Variants in USP34 observed in about 807,000 individuals in gnomAD.
The protein encoded by USP34 is ubiquitin carboxyl-terminal hydrolase 34.
USP34 carries 70 observed loss-of-function variants against 460.3 expected under a neutral mutation model. The observed-to-expected ratio is 0.15, with a 90% confidence interval of 0.13 to 0.19. The LOEUF (loss-of-function observed/expected upper bound fraction) is 0.19, where lower values mean the gene tolerates loss of function less well. Among genes scored for constraint, USP34 ranks in the 10% least tolerant of loss-of-function variants. The pLI is 1.00. For missense variants in USP34, 3,985 were observed against 4,236.2 expected, an observed-to-expected ratio of 0.94 and a Z score of 1.65; for synonymous variants, 1,647 against 1,405.3, an observed-to-expected ratio of 1.17 and a Z score of -3.85.
chr2:61,246,602 T>C, intron 49 of USP34, 125 bp from the exon 50 acceptor site: 1 of 699,434 alleles, frequency 1.4e-6, no homozygotes, highest in Non-Finnish European at 2.0e-6. Flanking sequence ...TAAAAATAAT[T>C]TTCCCAATGT....
At chr2:61,252,389 TAGCAGCAGCAGC>T (rs3980947) in intron 48 of USP34, among the ~76,000 whole-genome samples, 3 of 151,690 alleles carry the variant, frequency 2.0e-5, no homozygotes, top group South Asian at 2.1e-4. Context: ...ACAGTAACAA[TAGCAGCAGCAGC>T]AGCAGCAGCA....
chr2:61,287,340 C>T (rs1689720625), intron 34 of USP34, among the ~76,000 whole-genome samples: 1 of 152,214 alleles, frequency 6.6e-6, no homozygotes, highest in African/African-American at 2.4e-5. Context: ...ACCTTGATCA[C>T]TCCCTACCTC....
At chr2:61,194,983 G>A (rs1686756247) in intron 75 of USP34, among the ~76,000 whole-genome samples, 1 of 150,958 alleles carries the variant, frequency 6.6e-6, no homozygotes, top group African/African-American at 2.4e-5. Context: ...TTTGGGCCAG[G>A]TATGGTGACT....
chr2:61,374,296 C>G (rs1166541745), intron 8 of USP34, among the ~76,000 whole-genome samples: 1 of 152,130 alleles, frequency 6.6e-6, no homozygotes, highest in African/African-American at 2.4e-5. Flanking sequence ...ACTTCTTACA[C>G]TCCACCACAC....
intron 10 of USP34, among the ~76,000 whole-genome samples, chr2:61,370,028 A>G (rs1202477672): frequency 4.0e-5 from 6 of 151,720 alleles, no homozygotes; most frequent in Non-Finnish European, 8.8e-5. Flanking sequence ...GAAACATACC[A>G]ATACAATAAT....
intron 34 of USP34, among the ~76,000 whole-genome samples, chr2:61,285,768 C>A (rs1487495520): frequency 6.6e-6 from 1 of 152,054 alleles, no homozygotes; most frequent in Non-Finnish European, 1.5e-5. Flanking sequence ...ATATAATATA[C>A]CACGGGTAGA....
At chr2:61,265,123 G>A (rs759989127) in intron 43 of USP34, 10 of 261,884 alleles carry the variant, frequency 3.8e-5, no homozygotes, top group South Asian at 2.5e-4. Flanking sequence ...CAGTGAATGC[G>A]TTTTTACTGA....
intron 3 of USP34, among the ~76,000 whole-genome samples, chr2:61,404,075 A>T (rs540249537): frequency 7.5e-4 from 113 of 151,132 alleles, no homozygotes; most frequent in Non-Finnish European, 1.4e-3. Flanking sequence ...AGGGCCAAGT[A>T]GGTGACTTGT....
At chr2:61,266,337 C>A (rs181551829) in intron 41 of USP34, among the ~76,000 whole-genome samples, 170 bp from the exon 42 acceptor site, 1 of 152,126 alleles carries the variant, frequency 6.6e-6, no homozygotes, top group Non-Finnish European at 1.5e-5. Flanking sequence ...TAAGAGAAAA[C>A]GAAGGCGGCG....
chr2:61,421,747 A>G (rs1240956158), intron 1 of USP34, among the ~76,000 whole-genome samples: 2 of 151,784 alleles, frequency 1.3e-5, no homozygotes, highest in African/African-American at 4.8e-5. Context: ...CCTGTACCAA[A>G]TATATATGAG....
At chr2:61,261,481 T>C (rs1339514160) in intron 43 of USP34, among the ~76,000 whole-genome samples, 1 of 152,000 alleles carries the variant, frequency 6.6e-6, no homozygotes, top group African/African-American at 2.4e-5. Flanking sequence ...GAAAGTAGAA[T>C]AGTGGTTGCA....
At chr2:61,254,999 C>T (rs996684081) in intron 48 of USP34, among the ~76,000 whole-genome samples, 1 of 152,164 alleles carries the variant, frequency 6.6e-6, no homozygotes, top group Middle Eastern at 3.2e-3. Flanking sequence ...GTGCATGCCA[C>T]GTCTGGCTAA....
intron 1 of USP34, among the ~76,000 whole-genome samples, chr2:61,432,836 A>T (rs563980376): frequency 6.6e-6 from 1 of 152,116 alleles, no homozygotes; most frequent in Non-Finnish European, 1.5e-5. Context: ...ATGACTCTAG[A>T]TATCTAAAAC....
chr2:61,232,939 G>C (rs1438848894), intron 57 of USP34, among the ~76,000 whole-genome samples: 2 of 132,772 alleles, frequency 1.5e-5, no homozygotes, highest in African/African-American at 2.9e-5. Flanking sequence ...GCACGATCTC[G>C]GCTCACTGAA....
intron 57 of USP34, among the ~76,000 whole-genome samples, chr2:61,234,976 C>T (rs928221280): frequency 6.6e-6 from 1 of 152,064 alleles, no homozygotes; most frequent in Non-Finnish European, 1.5e-5. Context: ...ATCTTATGTA[C>T]AGCATCATGA....
At chr2:61,464,032 A>T (rs983278500) in intron 1 of USP34, among the ~76,000 whole-genome samples, 2 of 152,198 alleles carry the variant, frequency 1.3e-5, no homozygotes, top group African/African-American at 4.8e-5. Flanking sequence ...AGTACCCAAC[A>T]CAAACTATTC....
chr2:61,279,213 T>G (rs1689462770), intron 39 of USP34, among the ~76,000 whole-genome samples: 1 of 152,086 alleles, frequency 6.6e-6, no homozygotes, highest in South Asian at 2.1e-4. Flanking sequence ...GAAAAGTAGA[T>G]TTTAAGAATT....
At chr2:61,443,055 G>A (rs1330371487) in intron 1 of USP34, among the ~76,000 whole-genome samples, 4 of 90,712 alleles carry the variant, frequency 4.4e-5, no homozygotes, top group Non-Finnish European at 9.2e-5. Context: ...AACACCATAA[G>A]TTCTTACTCA....
intron 16 of USP34, among the ~76,000 whole-genome samples, chr2:61,343,111 T>G (rs1293912855): frequency 6.6e-6 from 1 of 152,260 alleles, no homozygotes; most frequent in Non-Finnish European, 1.5e-5. Context: ...TCCGGTTTAC[T>G]TATAATGTAC....
Sources: gnomAD v4.1 joint callset for allele counts (sites outside exome capture counted in the v4.1 genomes callset) on GRCh38, gnomAD v4.1.1 for gene constraint, MANE v1.5 for transcripts, NCBI Gene and HGNC (gene_info 2026-07-23, HGNC 2026-07-21) for gene names.